Variants in C1GALT1 observed in about 807,000 individuals in gnomAD.
The protein encoded by C1GALT1 is core 1 synthase, glycoprotein-N-acetylgalactosamine 3-beta-galactosyltransferase 1.
Under a neutral mutation model 31.0 loss-of-function variants are expected in C1GALT1, and 11 were observed. The observed-to-expected ratio is 0.36, with a 90% CI of 0.22 to 0.59. The LOEUF (loss-of-function observed/expected upper bound fraction) is 0.59. Ranked by LOEUF, C1GALT1 falls within the 20% of genes least tolerant of loss-of-function variation. The pLI is 0.79. For missense variants in C1GALT1, 424 were observed against 425.2 expected (o/e 1.00, Z 0.03); for synonymous variants, 175 against 143.6 (o/e 1.22, Z -1.56).
chr7:7,224,208 A>T (rs893698212), intron 1 of C1GALT1, among the ~76,000 whole-genome samples: 3 of 151,432 alleles, frequency 2.0e-5, no homozygotes, highest in Non-Finnish European at 4.4e-5. Flanking sequence ...GCTAATTCAT[A>T]CTTTTAAGTA....
At chr7:7,201,222 C>T (rs1781517619) in intron 1 of C1GALT1, among the ~76,000 whole-genome samples, 1 of 152,198 alleles carries the variant, frequency 6.6e-6, no homozygotes. Context: ...TTCCTTCTAA[C>T]AGTCAGGACC....
chr7:7,178,116 G>T, upstream of C1GALT1: 1 of 204,624 alleles, frequency 4.9e-6, no homozygotes, highest in Non-Finnish European at 1.1e-5. Flanking sequence ...TTGAAAAGGA[G>T]CAAGAATGCA....
intron 1 of C1GALT1, among the ~76,000 whole-genome samples, chr7:7,213,468 T>G (rs1023063334): frequency 6.6e-6 from 1 of 152,228 alleles, no homozygotes; most frequent in African/African-American, 2.4e-5. Flanking sequence ...GGACATCATT[T>G]TGGCAATCTT....
chr7:7,219,604 T>C (rs377212279), intron 1 of C1GALT1, among the ~76,000 whole-genome samples: 6 of 152,230 alleles, frequency 3.9e-5, no homozygotes, highest in African/African-American at 1.4e-4. Flanking sequence ...TTGGAGATTC[T>C]CACTAATTAA....
In C1GALT1 at chr7:7,170,022, A is replaced by G. The variant is rs1317812849; in HGVS notation, c.-18+12596A>G. Among the ~76,000 whole-genome samples, 11 of 152,298 alleles carry G rather than the reference A, an allele frequency of 7.2e-5. No individual in the cohort carries two copies. In the South Asian group the frequency reaches 2.1e-3, roughly 29 times the overall value. The stretch of plus-strand genomic sequence containing the variant: ...TTGGGAGGTTTTTGATCACTGGTTC[A>G]ATCTCTGGCCTTGTTGTAGGTCTAG... On this transcript the variant is annotated intron_variant, in intron 2 of 3. Coordinates refer to the C1GALT1 transcript ENST00000429911.
intron 1 of C1GALT1, among the ~76,000 whole-genome samples, chr7:7,195,560 T>C (rs938940585): frequency 2.6e-5 from 4 of 152,206 alleles, no homozygotes; most frequent in African/African-American, 7.2e-5. Context: ...TTTGATTTTC[T>C]TAAATTTGTT....
At chr7:7,210,677 T>A (rs1781958515) in intron 1 of C1GALT1, 1 of 152,166 alleles carries the variant, frequency 6.6e-6, no homozygotes, top group Non-Finnish European at 1.5e-5. Flanking sequence ...AAAAGCTGGC[T>A]CTTCCACCCT....
rs773037397 is a variant in C1GALT1 at position 7,234,489 on chromosome 7, A to G, written c.170A>G (p.Asn57Ser). 5 of 1,613,788 alleles carry G rather than the reference A, an allele frequency of 3.1e-6. No homozygotes were observed. The highest frequency in any genetic ancestry group is 1.1e-5 in the South Asian group (1 of 91,072). Residue 57 changes from asparagine (N) to serine (S), a missense_variant, in exon 2 of 4, where the codon AAT becomes AGT. This residue lies in a region of C1GALT1 where 189 missense variants were observed against 158.2 expected (regional missense o/e 1.19). Coordinates refer to ENST00000436587, the MANE Select transcript of C1GALT1 (RefSeq NM_020156.5). Reference sequence around the variant, plus strand: ...AGGCATTCAGATGATAATGGACAGAATCATCTAGAAGGACAAATGAACTTC... The same window carrying G: ...AGGCATTCAGATGATAATGGACAGAGTCATCTAGAAGGACAAATGAACTTC... ...HARHSDDNGQ[N>S]HLEGQMNFNA... is the part of the protein sequence containing the mutation.
chr7:7,158,447 C>A (rs1008147186), intron 2 of C1GALT1, among the ~76,000 whole-genome samples: 1 of 152,072 alleles, frequency 6.6e-6, no homozygotes, highest in South Asian at 2.1e-4. Flanking sequence ...TAGCACGTGG[C>A]CCGAGTCAGC....
Position 7,230,147 on chromosome 7 carries a change from G to A in C1GALT1, c.-17-4156G>A, listed in dbSNP as rs547319616. ...CAGCATAAGCATGGTGTGTTGTCAT[G>A]GCATGTCAATTTTACTTGTAGATTT... is the stretch of plus-strand genomic sequence containing the variant. On this transcript the variant is annotated intron_variant, in intron 1 of 3. Transcript: ENST00000436587. Among the ~76,000 whole-genome samples, 159 of 152,210 alleles carry A rather than the reference G, an allele frequency of 1.0e-3. 2 individuals carry two copies. The highest frequency in any genetic ancestry group is 3.5e-3 in the African/African-American group (144 of 41,534).
At chr7:7,181,240 G>GAAAGGTGGAAGGATATTGCGA (rs1780579154), upstream of C1GALT1, among the ~76,000 whole-genome samples, 1 of 152,038 alleles carries the variant, frequency 6.6e-6, no homozygotes, top group Non-Finnish European at 1.5e-5. Flanking sequence ...GGATATTGCG[G>GAAAGGTGGAAGGATATTGCGA]AAAGGTGGAA....
intron 1 of C1GALT1, among the ~76,000 whole-genome samples, chr7:7,194,211 T>C (rs1050500499): frequency 6.6e-6 from 1 of 152,152 alleles, no homozygotes; most frequent in African/African-American, 2.4e-5. Flanking sequence ...CAGTACTATG[T>C]TGAATAGAAG....
At chr7:7,191,146 C>A (rs1781054037) in intron 1 of C1GALT1, among the ~76,000 whole-genome samples, 1 of 152,116 alleles carries the variant, frequency 6.6e-6, no homozygotes, top group African/African-American at 2.4e-5. Context: ...GCTCTCCATT[C>A]TCACCTTTCC....
intron 2 of C1GALT1, among the ~76,000 whole-genome samples, chr7:7,236,197 C>CATT (rs1783333306): frequency 6.6e-6 from 1 of 152,144 alleles, no homozygotes; most frequent in Non-Finnish European, 1.5e-5. Context: ...CCTGAATGGA[C>CATT]TGAATTCCTC....
chr7:7,228,105 G>T (rs1026260097), intron 1 of C1GALT1, among the ~76,000 whole-genome samples: 1 of 152,024 alleles, frequency 6.6e-6, no homozygotes. Context: ...CTTAGTACAG[G>T]GTTCAAATGT....
intron 1 of C1GALT1, among the ~76,000 whole-genome samples, chr7:7,200,243 C>G (rs1405459947): frequency 2.0e-5 from 3 of 152,150 alleles, no homozygotes; most frequent in Non-Finnish European, 2.9e-5. Flanking sequence ...CTGGTGGTGA[C>G]AAAATCTCTC....
At chr7:7,203,092 G>GT (rs35048292) in intron 1 of C1GALT1, among the ~76,000 whole-genome samples, 33,580 of 137,562 alleles carry the variant, frequency 0.24, 4,592 homozygotes, top group East Asian at 0.42. Flanking sequence ...GTTCTAACAG[G>GT]TTTTTTTTTT....
chr7:7,199,052 C>G (rs567744491), intron 1 of C1GALT1, among the ~76,000 whole-genome samples: 1 of 151,924 alleles, frequency 6.6e-6, no homozygotes, highest in East Asian at 1.9e-4. Context: ...TCTGCTCTGA[C>G]CTTAGTTACT....
intron 1 of C1GALT1, among the ~76,000 whole-genome samples, chr7:7,225,992 T>C (rs1371025514): frequency 6.6e-5 from 10 of 152,178 alleles, no homozygotes. Flanking sequence ...CAATTTACCA[T>C]GTTGGCTGGC....
Sources: allele counts gnomAD v4.1 joint callset (sites outside exome capture counted in the v4.1 genomes callset), GRCh38; gene constraint gnomAD v4.1.1; regional missense constraint gnomAD v4.1.1; transcripts MANE v1.5; gene names NCBI Gene and HGNC (gene_info 2026-07-23, HGNC 2026-07-21).